Variants in IL1RAPL1 observed in about 807,000 individuals in gnomAD.
IL1RAPL1 encodes interleukin-1 receptor accessory protein-like 1.
IL1RAPL1 carries 3 observed loss-of-function variants against 48.4 expected under a neutral mutation model. The observed-to-expected ratio is 0.06, with a 90% confidence interval of 0.03 to 0.16. The LOEUF is 0.16. IL1RAPL1 is among the 10% of genes least tolerant of loss of function. The pLI is 1.00. For synonymous variants in IL1RAPL1, 185 were observed against 187.7 expected (o/e 0.99, Z 0.12); for missense variants, 349 against 530.6 (o/e 0.66, Z 3.36).
chrX:29,852,158 A>G (rs1289457353), intron 6 of IL1RAPL1, among the ~76,000 whole-genome samples: 1 of 112,830 alleles, frequency 8.9e-6, no homozygotes, highest in Non-Finnish European at 1.9e-5. Flanking sequence ...CCAACTTGCC[A>G]GAAACTGATT....
intron 1 of IL1RAPL1, among the ~76,000 whole-genome samples, chrX:28,604,101 A>G (rs1159999380): frequency 2.7e-5 from 3 of 112,588 alleles, no homozygotes; most frequent in African/African-American, 9.7e-5. Flanking sequence ...TATTTTATAA[A>G]TTACAAGGTG....
At chrX:29,631,572 A>G (rs1924776033) in intron 5 of IL1RAPL1, among the ~76,000 whole-genome samples, 1 of 112,307 alleles carries the variant, frequency 8.9e-6, no homozygotes, top group South Asian at 3.7e-4. Context: ...ATGACCCACC[A>G]TACCTGGCCT....
chrX:28,826,253 A>G (rs1307835983), intron 2 of IL1RAPL1, among the ~76,000 whole-genome samples: 2 of 111,623 alleles, frequency 1.8e-5, no homozygotes, highest in East Asian at 2.8e-4. Flanking sequence ...TGTGAGACAA[A>G]CGAAATGAGT....
intron 2 of IL1RAPL1, among the ~76,000 whole-genome samples, chrX:29,008,075 C>G (rs1237896546): frequency 3.6e-5 from 4 of 111,899 alleles, no homozygotes; most frequent in African/African-American, 1.3e-4. Context: ...AATCTCAGCT[C>G]ACTACAATCT....
At chrX:29,378,919 A>G (rs1933658305) in intron 3 of IL1RAPL1, among the ~76,000 whole-genome samples, 1 of 112,397 alleles carries the variant, frequency 8.9e-6, no homozygotes, top group African/African-American at 3.2e-5. Context: ...ACATGGAGAT[A>G]GACTACTCCC....
intron 3 of IL1RAPL1, among the ~76,000 whole-genome samples, chrX:29,350,406 G>T (rs1231813306): frequency 9.6e-6 from 1 of 103,632 alleles, no homozygotes; most frequent in Admixed American, 1.1e-4. Context: ...TTTGTTCAAT[G>T]TTGTTTCATT....
At position 29,659,856 on chromosome X, in the gene IL1RAPL1, G is replaced by A. The variant is rs753488895; in HGVS notation, c.704-8574G>A. Among the ~76,000 whole-genome samples the A allele has an allele frequency of 4.5e-5, 5 of 111,588 alleles. No homozygotes were observed. The East Asian group carries it at 1.1e-3, about 25-fold the overall frequency. On this transcript the variant is annotated intron_variant, in intron 5 of 10. Coordinates refer to ENST00000378993, the MANE Select transcript of IL1RAPL1 (RefSeq NM_014271.4). ...TTTATATATTCTACTTACTAATCCC[G>A]TGTGTATTAGTTCATTCTTGAATTC... is the stretch of plus-strand genomic sequence containing the variant.
intron 6 of IL1RAPL1, among the ~76,000 whole-genome samples, chrX:29,881,720 A>G (rs1932036447): frequency 9.0e-6 from 1 of 111,443 alleles, no homozygotes. Context: ...TCTTAAAGGT[A>G]TTTTAAGTTA....
intron 1 of IL1RAPL1, among the ~76,000 whole-genome samples, chrX:28,739,367 G>C (rs998106148): frequency 1.8e-5 from 2 of 111,380 alleles, no homozygotes; most frequent in African/African-American, 6.5e-5. Flanking sequence ...GTAGTATGAC[G>C]CTTCATGAAG....
chrX:29,062,265 C>T (rs1461059716), intron 2 of IL1RAPL1, among the ~76,000 whole-genome samples: 1 of 111,524 alleles, frequency 9.0e-6, no homozygotes, highest in South Asian at 3.6e-4. Context: ...GACATAGAAC[C>T]AGATATGCCT....
At chrX:29,036,030 T>C (rs1468382613) in intron 2 of IL1RAPL1, among the ~76,000 whole-genome samples, 2 of 112,030 alleles carry the variant, frequency 1.8e-5, no homozygotes, top group Non-Finnish European at 3.8e-5. Flanking sequence ...TTATTGACTA[T>C]CCAATAGGGC....
At chrX:29,010,242 C>T (rs760059634) in intron 2 of IL1RAPL1, among the ~76,000 whole-genome samples, 1 of 111,867 alleles carries the variant, frequency 8.9e-6, no homozygotes, top group African/African-American at 3.2e-5. Context: ...TTATTTTGAT[C>T]TCTTGCCTTG....
chrX:29,411,528 T>C (rs774276878), intron 5 of IL1RAPL1, among the ~76,000 whole-genome samples: 6 of 111,406 alleles, frequency 5.4e-5, no homozygotes, highest in African/African-American at 1.6e-4. Flanking sequence ...GAATTTCAAG[T>C]GTACTGAGAG....
At chrX:29,578,955 T>C (rs1349285909) in intron 5 of IL1RAPL1, among the ~76,000 whole-genome samples, 1 of 112,108 alleles carries the variant, frequency 8.9e-6, no homozygotes, top group African/African-American at 3.2e-5. Context: ...GCCTTACTCA[T>C]GTATCAGTGT....
At chrX:29,171,310 A>G (rs886804225) in intron 2 of IL1RAPL1, among the ~76,000 whole-genome samples, 15 of 111,787 alleles carry the variant, frequency 1.3e-4, no homozygotes, top group African/African-American at 4.9e-4. Context: ...TTTAAGTCAT[A>G]GGGTAAAATT....
chrX:28,808,779 C>T (rs988803746), intron 2 of IL1RAPL1, among the ~76,000 whole-genome samples: 1 of 110,732 alleles, frequency 9.0e-6, no homozygotes, highest in African/African-American at 3.3e-5. Context: ...TTACGTTACT[C>T]TTTGCAATTA....
chrX:29,625,127 T>G (rs182369974), intron 5 of IL1RAPL1, among the ~76,000 whole-genome samples: 2 of 111,955 alleles, frequency 1.8e-5, no homozygotes, highest in African/African-American at 6.5e-5. Flanking sequence ...TTCTTTACAA[T>G]AAATAAGGAT....
intron 3 of IL1RAPL1, among the ~76,000 whole-genome samples, chrX:29,311,224 G>A (rs942811955): frequency 3.6e-5 from 4 of 111,701 alleles, no homozygotes; most frequent in Admixed American, 9.5e-5. Flanking sequence ...GTACATAATA[G>A]GTACTCAATA....
rs767803128 is a variant in IL1RAPL1, at chrX:28,995,363, G to A, written c.82+205938G>A. Among the ~76,000 whole-genome samples, 43 of 110,706 alleles carry A rather than the reference G, an allele frequency of 3.9e-4. 1 individual carries two copies. The highest frequency in any genetic ancestry group is 3.7e-3 in the Admixed American group (38 of 10,343). ...GCAAATAACAAGGCTTAGGCATTAA[G>A]TAAGCGCTAGGGAGAGGAACAATAG... On this transcript the variant is annotated intron_variant, in intron 2 of 10. Coordinates refer to ENST00000378993, the MANE Select transcript of IL1RAPL1 (RefSeq NM_014271.4).
Sources: gnomAD v4.1 joint callset for allele counts (sites outside exome capture counted in the v4.1 genomes callset) on GRCh38, gnomAD v4.1.1 for gene constraint, MANE v1.5 for transcripts, NCBI Gene and HGNC (gene_info 2026-07-23, HGNC 2026-07-21) for gene names.